Variants in HIP1 observed in about 807,000 individuals in gnomAD.
HIP1 encodes huntingtin interacting protein 1.
A neutral mutation model predicts 147.6 loss-of-function variants in HIP1; 65 were observed. That is an observed-to-expected ratio of 0.44 (90% CI 0.36 to 0.54). The LOEUF is 0.54. Ranked by LOEUF, HIP1 falls within the 20% of genes least tolerant of loss-of-function variation. The pLI is 0.00. For synonymous variants in HIP1, 479 were observed against 504.0 expected (o/e 0.95, Z 0.67); for missense variants, 1,061 against 1,299.6 (o/e 0.82, Z 2.82).
Position 75,557,019 on chromosome 7 carries a change from A to ATTATTTATTTATTTATTTAT in HIP1, c.1582-228_1582-209dup, listed in dbSNP as rs3041772. 1.6e-3 allele frequency among the ~76,000 whole-genome samples: 239 copies of ATTATTTATTTATTTATTTAT among 145,444 alleles called. 2 individuals are homozygous for ATTATTTATTTATTTATTTAT. The highest frequency in any genetic ancestry group is 5.2e-3 in the African/African-American group (206 of 39,418). On this transcript the variant is annotated intron_variant, in intron 16 of 30. Coordinates refer to ENST00000336926, the MANE Select transcript of HIP1 (RefSeq NM_005338.7). ...GTGGAATGTCAAGGAAGGATTTTTTATTATTTATTTATTTATTTATTTATT... is the reference window on the plus strand; with the variant it reads ...GTGGAATGTCAAGGAAGGATTTTTTATTATTTATTTATTTATTTATTTATTTATTTATTTATTTATTTATT...
At chr7:75,603,776 G>A (rs1797105558) in intron 1 of HIP1, among the ~76,000 whole-genome samples, 1 of 152,028 alleles carries the variant, frequency 6.6e-6, no homozygotes, top group Non-Finnish European at 1.5e-5. Flanking sequence ...GGGAGGTTGA[G>A]GTGGGAGGAT....
intron 1 of HIP1, among the ~76,000 whole-genome samples, chr7:75,648,342 A>G (rs1347073237): frequency 1.3e-5 from 2 of 151,326 alleles, no homozygotes; most frequent in East Asian, 1.9e-4. Context: ...GGAGTAGATG[A>G]GGCTGGTTGG....
At chr7:75,638,836 C>A (rs2117153230) in intron 1 of HIP1, among the ~76,000 whole-genome samples, 1 of 151,386 alleles carries the variant, frequency 6.6e-6, no homozygotes, top group Admixed American at 6.6e-5. Context: ...GGCGGCGGCG[C>A]GGCGGGAAAG....
rs150491309 is a variant in HIP1, at chr7:75,542,919, C to A, written c.2822G>T (p.Gly941Val). 1 of 1,613,934 alleles carries A rather than the reference C, an allele frequency of 6.2e-7. No homozygotes were observed. Among genetic ancestry groups the A allele is most frequent in the Admixed American group, 1.7e-5 (1 of 60,006 alleles). ...NLAQLQQASR[G>V]VNQATAGVVA... ...AACGCCGGCAGTGGCCTGGTTCACT[C>A]CCCGAGAGGCCTGCTGCAGCTGGGC... The change falls in exon 28 of 31, where the codon GGA becomes GTA. Residue 941 changes from glycine (G) to valine (V), a missense_variant. Gly to Val is a moderately radical substitution (Grantham distance 109). Around this residue, in one of 3 missense-constraint regions of HIP1, gnomAD observed 810 missense variants for 946.8 expected, o/e 0.86. Transcript: ENST00000336926.
intron 1 of HIP1, among the ~76,000 whole-genome samples, chr7:75,641,401 G>A (rs1287057004): frequency 8.5e-5 from 13 of 152,162 alleles, no homozygotes; most frequent in African/African-American, 2.9e-4. Flanking sequence ...GGGATTACAG[G>A]TGTGAGCCAC....
In HIP1 at chr7:75,642,690, C is replaced by T. The variant is rs545152810; in HGVS notation, c.121-43443G>A. Among the ~76,000 whole-genome samples the T allele has an allele frequency of 8.3e-4, 126 of 152,344 alleles. 1 individual carries two copies. Among genetic ancestry groups the T allele is most frequent in the African/African-American group, 3.0e-3 (125 of 41,574 alleles). The stretch of plus-strand genomic sequence containing the variant: ...CAGGATGCTCCTGGAAGGTCCTTCC[C>T]TCTTCCTGAGCTTAGAAGTGTCTTT... On this transcript the variant is annotated intron_variant, in intron 1 of 30. Coordinates refer to ENST00000336926, the MANE Select transcript of HIP1 (RefSeq NM_005338.7).
intron 1 of HIP1, among the ~76,000 whole-genome samples, chr7:75,659,335 A>G (rs370898602): frequency 2.6e-5 from 4 of 152,266 alleles, no homozygotes; most frequent in African/African-American, 9.6e-5. Context: ...TTTAATATTC[A>G]CAATGCTTTG....
At chr7:75,602,302 G>GT (rs1554503099) in intron 1 of HIP1, among the ~76,000 whole-genome samples, 5 of 110,644 alleles carry the variant, frequency 4.5e-5, no homozygotes, top group African/African-American at 1.8e-4. Flanking sequence ...CACCTGGCCA[G>GT]CTTTTTTTTT....
chr7:75,685,078 G>A lies in HIP1; in HGVS notation c.120+53723C>T, dbSNP rs188927197. On this transcript the variant is annotated intron_variant, in intron 1 of 30. Coordinates refer to ENST00000336926, the MANE Select transcript of HIP1 (RefSeq NM_005338.7). ...TGCACTCCAGCCTGGGTGACAGAGCGAGACTCCGTCTCAAAAAAAATAAAT... is the reference window on the plus strand; with the variant it reads ...TGCACTCCAGCCTGGGTGACAGAGCAAGACTCCGTCTCAAAAAAAATAAAT... Among the ~76,000 whole-genome samples, 842 of 151,780 alleles carry A rather than the reference G, an allele frequency of 5.5e-3. 12 individuals carry two copies. The highest frequency in any genetic ancestry group is 0.019 in the African/African-American group (780 of 41,380).
intron 1 of HIP1, among the ~76,000 whole-genome samples, chr7:75,704,644 C>T (rs1554519498): frequency 6.6e-6 from 1 of 152,042 alleles, no homozygotes; most frequent in African/African-American, 2.4e-5. Flanking sequence ...GTACAGTGGC[C>T]TGATCTCGAC....
At chr7:75,606,474 G>A (rs587677930) in intron 1 of HIP1, among the ~76,000 whole-genome samples, 1 of 152,156 alleles carries the variant, frequency 6.6e-6, no homozygotes, top group African/African-American at 2.4e-5. Flanking sequence ...AGCTACTTGG[G>A]AGGCTGAGGC....
At chr7:75,729,157 G>T (rs1325718916) in intron 1 of HIP1, among the ~76,000 whole-genome samples, 13 of 132,182 alleles carry the variant, frequency 9.8e-5, no homozygotes, top group African/African-American at 3.4e-4. Flanking sequence ...TAAGAAACTA[G>T]AACAGGAAAA....
At chr7:75,614,830 G>A (rs1797588215) in intron 1 of HIP1, among the ~76,000 whole-genome samples, 1 of 152,028 alleles carries the variant, frequency 6.6e-6, no homozygotes, top group South Asian at 2.1e-4. Flanking sequence ...CTGGAGTGCA[G>A]TGGCGCGATC....
chr7:75,557,067 T>A (rs1335632586), intron 16 of HIP1, among the ~76,000 whole-genome samples: 1 of 150,354 alleles, frequency 6.7e-6, no homozygotes, highest in Non-Finnish European at 1.5e-5. Context: ...AGACGGAGTC[T>A]CGCTGTTGTT....
chr7:75,632,334 G>A (rs1798255753), intron 1 of HIP1, among the ~76,000 whole-genome samples: 1 of 152,134 alleles, frequency 6.6e-6, no homozygotes, highest in African/African-American at 2.4e-5. Flanking sequence ...TCATCTTGGT[G>A]AGATAAAATC....
intron 4 of HIP1, among the ~76,000 whole-genome samples, chr7:75,588,207 C>T (rs1316373784): frequency 2.0e-5 from 3 of 152,116 alleles, no homozygotes; most frequent in Non-Finnish European, 4.4e-5. Context: ...AAGCAAATGC[C>T]AATTCTCTCT....
At chr7:75,542,286 C>T (rs1330459682) in intron 28 of HIP1, among the ~76,000 whole-genome samples, 2 of 151,780 alleles carry the variant, frequency 1.3e-5, no homozygotes, top group Non-Finnish European at 1.5e-5. Flanking sequence ...ATTCCAGCTA[C>T]TTGGGAGGCT....
Position 75,592,056 on chromosome 7 carries a change from C to T in HIP1, c.384G>A (p.Trp128Ter). The change falls in exon 4 of 31, where the codon TGG becomes TGA. Residue 128 changes from tryptophan (W) to a stop codon, truncating the protein, a stop_gained and splice_region_variant. Coordinates refer to ENST00000336926, the MANE Select transcript of HIP1 (RefSeq NM_005338.7). LOFTEE classifies it high-confidence loss of function. Reference protein sequence around the residue: ...RNELSDMSRMWGHLSEGYGQL... With the variant: ...RNELSDMSRM Reference sequence around the variant, plus strand: ...CTCCTGAGTACATCTCCAAACTCACCCACATCCTGCTCATGTCACTCAATT... The same window carrying T: ...CTCCTGAGTACATCTCCAAACTCACTCACATCCTGCTCATGTCACTCAATT... The T allele has an allele frequency of 1.9e-6, 3 of 1,613,798 alleles. No individual in the cohort carries two copies. Among genetic ancestry groups the T allele is most frequent in the Non-Finnish European group, 2.5e-6 (3 of 1,179,662 alleles).
chr7:75,737,577 G>A (rs1248550480), intron 1 of HIP1, among the ~76,000 whole-genome samples: 7 of 151,158 alleles, frequency 4.6e-5, no homozygotes, highest in African/African-American at 1.5e-4. Flanking sequence ...AACTCCTGAC[G>A]TCAGGTGATC....
Sources: gnomAD v4.1 joint callset for allele counts (sites outside exome capture counted in the v4.1 genomes callset) on GRCh38, gnomAD v4.1.1 for gene constraint, gnomAD v4.1.1 regional missense constraint, MANE v1.5 for transcripts, NCBI Gene and HGNC (gene_info 2026-07-23, HGNC 2026-07-21) for gene names.